Variants in KATNIP observed in about 807,000 individuals in gnomAD.
KATNIP encodes the protein katanin interacting protein.
A neutral mutation model predicts 174.0 loss-of-function variants in KATNIP; 126 were observed. That is an observed-to-expected ratio of 0.72 (90% confidence interval 0.63 to 0.84). The LOEUF is 0.84. Ranked by LOEUF, KATNIP falls within the 40% of genes least tolerant of loss-of-function variation. The probability of loss-of-function intolerance (pLI) is 0.00; values close to 1 mark genes in which losing one functional copy is unlikely to be tolerated. For missense variants in KATNIP, 1,958 were observed against 2,109.7 expected (o/e 0.93, Z 1.41); for synonymous variants, 810 against 835.7 (o/e 0.97, Z 0.53).
rs191635764 is a variant in KATNIP, at chr16:27,557,549, G to C, written c.7+7372G>C. 4.6e-3 allele frequency among the ~76,000 whole-genome samples: 702 copies of C among 151,172 alleles called. 7 individuals carry two copies. Among genetic ancestry groups the C allele is most frequent in the African/African-American group, 0.016 (672 of 41,140 alleles). On this transcript the variant is annotated intron_variant, in intron 1 of 27. Transcript: ENST00000261588. Reference sequence around the variant, plus strand: ...CTCAAGCGATCGTCCCATGTCAGCTGTCCAAGTAGCTGGGACTACAGGTGT... The same window carrying C: ...CTCAAGCGATCGTCCCATGTCAGCTCTCCAAGTAGCTGGGACTACAGGTGT...
intron 9 of KATNIP, among the ~76,000 whole-genome samples, chr16:27,699,105 G>A (rs554738199): frequency 3.3e-5 from 5 of 152,290 alleles, no homozygotes; most frequent in East Asian, 1.9e-4. Flanking sequence ...TCTGTGAGTC[G>A]CCTGTTGAAA....
chr16:27,596,852 G>T (rs1432249330), intron 2 of KATNIP, among the ~76,000 whole-genome samples: 1 of 152,082 alleles, frequency 6.6e-6, no homozygotes, highest in African/African-American at 2.4e-5. Context: ...GTGAAAACCT[G>T]TCTCTACTAA....
Position 27,708,895 on chromosome 16 carries a change from G to A in KATNIP, c.1580G>A (p.Gly527Asp). Residue 527 changes from glycine (G) to aspartate (D), a missense_variant, in exon 13 of 28, where the codon GGC (glycine) becomes GAC (aspartate). Gly to Asp is a moderately conservative substitution (Grantham distance 94). Around this residue, in one of 3 missense-constraint regions of KATNIP, gnomAD observed 1,557 missense variants for 1,617.8 expected, o/e 0.96. Coordinates refer to ENST00000261588, the MANE Select transcript of KATNIP (RefSeq NM_015202.5). ...AACACAGCCACGCCTGGGGAGCTGG[G>A]CCGCCTCGTCAACAGGAACTTAGCT... The part of the protein sequence containing the change: ...IRNTATPGEL[G>D]RLVNRNLAGK... The A allele has an allele frequency of 6.2e-7, 1 of 1,613,224 alleles. No homozygotes were observed. The highest frequency in any genetic ancestry group is 8.5e-7 in the Non-Finnish European group (1 of 1,179,774).
At chr16:27,774,296 A>G (rs1237944897) in intron 23 of KATNIP, among the ~76,000 whole-genome samples, 4 of 152,146 alleles carry the variant, frequency 2.6e-5, no homozygotes, top group South Asian at 4.1e-4. Context: ...TCGAAGCTAT[A>G]AAGTTTCATT....
Position 27,628,771 on chromosome 16 carries a change from C to T in KATNIP, c.251C>T (p.Pro84Leu), listed in dbSNP as rs373307805. ...GCCAATTCGGAGCTGAAATCATCACCGCGGAAAGCTATTCACTCTGACTTC... is the reference window on the plus strand; with the variant it reads ...GCCAATTCGGAGCTGAAATCATCACTGCGGAAAGCTATTCACTCTGACTTC... ...NGANSELKSS[P>L]RKAIHSDFSR... The change falls in exon 4 of 28, where the codon CCG becomes CTG. Residue 84 changes from proline (P) to leucine (L), a missense_variant. By Grantham distance (98) the Pro-to-Leu change is moderately conservative. Coordinates refer to ENST00000261588, the MANE Select transcript of KATNIP (RefSeq NM_015202.5). 15 of 1,614,084 alleles carry T rather than the reference C, an allele frequency of 9.3e-6. No homozygotes were observed. Among genetic ancestry groups the T allele is most frequent in the East Asian group, 2.2e-5 (1 of 44,898 alleles).
At chr16:27,737,269 G>T (rs1042057067) in intron 14 of KATNIP, among the ~76,000 whole-genome samples, 1 of 152,114 alleles carries the variant, frequency 6.6e-6, no homozygotes, top group African/African-American at 2.4e-5. Flanking sequence ...TGTAGTCCCA[G>T]CTATCCAGGA....
intron 3 of KATNIP, among the ~76,000 whole-genome samples, chr16:27,624,862 A>G (rs916847379): frequency 1.3e-5 from 2 of 152,226 alleles, no homozygotes; most frequent in African/African-American, 4.8e-5. Flanking sequence ...TTCCTCATTC[A>G]GCAGGCACCA....
chr16:27,666,145 A>G (rs142210970), intron 6 of KATNIP, among the ~76,000 whole-genome samples: 583 of 152,196 alleles, frequency 3.8e-3, no homozygotes, highest in Non-Finnish European at 6.4e-3. Context: ...AGGCCCATCT[A>G]CTTCCTGAGT....
chr16:27,713,959 C>T (rs745798774), intron 13 of KATNIP, among the ~76,000 whole-genome samples: 2 of 149,944 alleles, frequency 1.3e-5, no homozygotes, highest in Non-Finnish European at 3.0e-5. Flanking sequence ...CCTGGAGGCT[C>T]TCTGTGAACA....
chr16:27,723,718 G>C (rs181964813), intron 14 of KATNIP, among the ~76,000 whole-genome samples: 111 of 152,314 alleles, frequency 7.3e-4, no homozygotes, highest in Admixed American at 2.1e-3. Flanking sequence ...GGATAGGAGA[G>C]GCTAGGTGGC....
chr16:27,665,131 T>G (rs1253942820), intron 6 of KATNIP, among the ~76,000 whole-genome samples: 2 of 151,748 alleles, frequency 1.3e-5, no homozygotes, highest in Non-Finnish European at 2.9e-5. Context: ...AGGTTGTTTT[T>G]TTTTTTTTTT....
At chr16:27,683,846 C>CA (rs2078432527) in intron 8 of KATNIP, among the ~76,000 whole-genome samples, 1 of 152,140 alleles carries the variant, frequency 6.6e-6, no homozygotes, top group South Asian at 2.1e-4. Context: ...GGTTGACAAG[C>CA]CTCCAGTCTA....
intron 15 of KATNIP, among the ~76,000 whole-genome samples, chr16:27,744,031 A>C (rs2081197366): frequency 6.6e-6 from 1 of 152,210 alleles, no homozygotes; most frequent in Admixed American, 6.5e-5. Context: ...TTAAGAACCA[A>C]GCCCCTGAGA....
chr16:27,753,220 C>G (rs1474388127), intron 17 of KATNIP, among the ~76,000 whole-genome samples: 1 of 151,982 alleles, frequency 6.6e-6, no homozygotes, highest in Non-Finnish European at 1.5e-5. Context: ...ACAAGAGAAG[C>G]CAGAAAGCTG....
At chr16:27,597,157 C>T (rs1415124160) in intron 2 of KATNIP, among the ~76,000 whole-genome samples, 1 of 152,122 alleles carries the variant, frequency 6.6e-6, no homozygotes, top group Non-Finnish European at 1.5e-5. Flanking sequence ...CACATTGCTG[C>T]ACTCTAGCCT....
chr16:27,746,710 G>T (rs967488270), intron 15 of KATNIP, among the ~76,000 whole-genome samples: 8 of 152,244 alleles, frequency 5.3e-5, no homozygotes, highest in African/African-American at 1.7e-4. Flanking sequence ...CCTGGCAGGG[G>T]TGCAGCAAGG....
chr16:27,605,633 G>A (rs2075677793), intron 2 of KATNIP, among the ~76,000 whole-genome samples: 1 of 152,260 alleles, frequency 6.6e-6, no homozygotes, highest in African/African-American at 2.4e-5. Context: ...TATTTTGTTA[G>A]GACACCTATC....
At chr16:27,680,047 T>TC (rs1479284916) in intron 7 of KATNIP, among the ~76,000 whole-genome samples, 2 of 151,924 alleles carry the variant, frequency 1.3e-5, no homozygotes, top group Admixed American at 1.3e-4. Context: ...GGGCCAGCCC[T>TC]CCCCCGTGCT....
At chr16:27,709,758 C>G (rs551744188) in intron 13 of KATNIP, among the ~76,000 whole-genome samples, 1 of 152,314 alleles carries the variant, frequency 6.6e-6, no homozygotes, top group South Asian at 2.1e-4. Context: ...TGTTTCCCAG[C>G]CCCTGCTCTG....
Sources: allele counts gnomAD v4.1 joint callset (sites outside exome capture counted in the v4.1 genomes callset), GRCh38; gene constraint gnomAD v4.1.1; regional missense constraint gnomAD v4.1.1; transcripts MANE v1.5; gene names NCBI Gene and HGNC (gene_info 2026-07-23, HGNC 2026-07-21).